Variants in NRXN1 observed in about 807,000 individuals in gnomAD.
The protein encoded by NRXN1 is neurexin-1.
Under a neutral mutation model 150.9 loss-of-function variants are expected in NRXN1, and 39 were observed. The ratio of observed to expected loss-of-function variants is 0.26; its 90% confidence interval spans 0.20 to 0.34. The LOEUF (loss-of-function observed/expected upper bound fraction) is 0.34. NRXN1 is among the 10% of genes least tolerant of loss of function. NRXN1 has a pLI of 1.00. For missense variants in NRXN1, 1,815 were observed against 1,949.9 expected (o/e 0.93, Z 1.30); for synonymous variants, 924 against 757.0 (o/e 1.22, Z -3.62).
chr2:50,557,219 C>T (rs1668386716), intron 8 of NRXN1, among the ~76,000 whole-genome samples: 1 of 152,242 alleles, frequency 6.6e-6, no homozygotes, highest in African/African-American at 2.4e-5. Context: ...AAAATATTTG[C>T]CACTCAGATA....
chr2:50,319,398 C>T (rs145162655), intron 17 of NRXN1, among the ~76,000 whole-genome samples: 1 of 152,092 alleles, frequency 6.6e-6, no homozygotes, highest in East Asian at 1.9e-4. Context: ...ATACTGATCA[C>T]AAGCTCCTTT....
intron 18 of NRXN1, among the ~76,000 whole-genome samples, chr2:50,209,809 T>C (rs1428526338): frequency 6.6e-6 from 1 of 152,016 alleles, no homozygotes; most frequent in Non-Finnish European, 1.5e-5. Context: ...CAATAAAAAA[T>C]AAAATGAGAA....
intron 5 of NRXN1, among the ~76,000 whole-genome samples, chr2:50,661,822 T>C (rs1365556426): frequency 6.6e-6 from 1 of 152,090 alleles, no homozygotes; most frequent in Non-Finnish European, 1.5e-5. Flanking sequence ...ACTGAAATGC[T>C]TGACATGCAA....
At chr2:50,465,674 T>C in intron 16 of NRXN1, 113 bp from the exon 17 acceptor site, 1 of 1,145,270 alleles carries the variant, frequency 8.7e-7, no homozygotes, top group Non-Finnish European at 1.2e-6. Context: ...ATGTCCAAAC[T>C]AGTTTTTAAA....
intron 21 of NRXN1, among the ~76,000 whole-genome samples, chr2:50,046,918 G>A (rs936989466): frequency 2.6e-5 from 4 of 152,134 alleles, no homozygotes; most frequent in Non-Finnish European, 4.4e-5. Flanking sequence ...AGTAATACAT[G>A]ATACAAAACT....
At chr2:50,055,584 C>T (rs1693466814) in intron 19 of NRXN1, among the ~76,000 whole-genome samples, 1 of 152,060 alleles carries the variant, frequency 6.6e-6, no homozygotes, top group East Asian at 1.9e-4. Context: ...TTTAAGAAAA[C>T]AACAAAGTCC....
intron 2 of NRXN1, among the ~76,000 whole-genome samples, chr2:50,978,050 C>G (rs1406402131): frequency 1.3e-5 from 2 of 151,120 alleles, no homozygotes; most frequent in African/African-American, 4.8e-5. Flanking sequence ...AGTTGGACAT[C>G]AGTGGGCAAA....
intron 2 of NRXN1, among the ~76,000 whole-genome samples, chr2:50,962,856 G>C (rs1449781424): frequency 6.6e-6 from 1 of 151,498 alleles, no homozygotes; most frequent in African/African-American, 2.4e-5. Flanking sequence ...TTCATTATCA[G>C]TCAACCAGCA....
At chr2:50,253,649 T>C (rs1037042440) in intron 17 of NRXN1, among the ~76,000 whole-genome samples, 2 of 152,220 alleles carry the variant, frequency 1.3e-5, no homozygotes, top group Non-Finnish European at 1.5e-5. Flanking sequence ...CAAAAGCTTT[T>C]TCTGCGTCTA....
intron 17 of NRXN1, among the ~76,000 whole-genome samples, chr2:50,399,704 C>G (rs895159820): frequency 7.0e-6 from 1 of 143,852 alleles, no homozygotes; most frequent in African/African-American, 2.7e-5. Flanking sequence ...TTTGTGCATT[C>G]AGGTGTTTTT....
intron 8 of NRXN1, among the ~76,000 whole-genome samples, chr2:50,590,662 C>A (rs998406144): frequency 6.6e-6 from 1 of 152,054 alleles, no homozygotes; most frequent in Admixed American, 6.5e-5. Context: ...TAGTTACTTC[C>A]CTCATAAAAG....
chr2:50,605,191 A>T (rs915888271), intron 8 of NRXN1, among the ~76,000 whole-genome samples: 2 of 152,240 alleles, frequency 1.3e-5, no homozygotes, highest in African/African-American at 4.8e-5. Context: ...ATGCTTATTT[A>T]GCATCTAGAT....
At chr2:50,514,615 A>G (rs1360738599) in intron 12 of NRXN1, among the ~76,000 whole-genome samples, 1 of 152,218 alleles carries the variant, frequency 6.6e-6, no homozygotes. Flanking sequence ...TGTGTTCACC[A>G]TTGCAACTCT....
chr2:50,735,087 C>T (rs922401884), intron 5 of NRXN1, among the ~76,000 whole-genome samples: 1 of 152,144 alleles, frequency 6.6e-6, no homozygotes, highest in Non-Finnish European at 1.5e-5. Context: ...TTCTCATTAA[C>T]TTTTAAAAGC....
At chr2:50,715,461 T>C (rs1212570503) in intron 5 of NRXN1, among the ~76,000 whole-genome samples, 2 of 152,212 alleles carry the variant, frequency 1.3e-5, no homozygotes, top group African/African-American at 4.8e-5. Flanking sequence ...GTAAAAGTGA[T>C]TTGTAAACTG....
At chr2:50,426,841 A>G (rs2084536846) in intron 17 of NRXN1, among the ~76,000 whole-genome samples, 1 of 152,186 alleles carries the variant, frequency 6.6e-6, no homozygotes, top group Non-Finnish European at 1.5e-5. Context: ...GACAAAATAT[A>G]CATTCTCTCT....
At chr2:50,297,177 C>A (rs1164127955) in intron 17 of NRXN1, among the ~76,000 whole-genome samples, 1 of 152,212 alleles carries the variant, frequency 6.6e-6, no homozygotes, top group African/African-American at 2.4e-5. Flanking sequence ...GCGTGAGCCA[C>A]CGCACCCGGC....
intron 12 of NRXN1, among the ~76,000 whole-genome samples, chr2:50,527,068 T>A (rs1011069861): frequency 6.6e-6 from 1 of 152,228 alleles, no homozygotes; most frequent in Non-Finnish European, 1.5e-5. Flanking sequence ...ATACTTTGCA[T>A]AGTTATATTT....
intron 15 of NRXN1, among the ~76,000 whole-genome samples, chr2:50,480,229 G>T (rs897745856): frequency 6.6e-6 from 1 of 152,202 alleles, no homozygotes; most frequent in Non-Finnish European, 1.5e-5. Flanking sequence ...TGTAGAAAGA[G>T]ATACAGAGAT....
Sources: allele counts gnomAD v4.1 joint callset (sites outside exome capture counted in the v4.1 genomes callset), GRCh38; gene constraint gnomAD v4.1.1; transcripts MANE v1.5; gene names NCBI Gene and HGNC (gene_info 2026-07-23, HGNC 2026-07-21).